ANK2: variants seen among roughly 807,000 people sequenced by gnomAD.
ANK2 encodes ankyrin-2.
In ANK2, 83 loss-of-function variants were observed where a neutral mutation model predicts 360.5. The ratio of observed to expected loss-of-function variants is 0.23; its 90% CI spans 0.19 to 0.28. The LOEUF (loss-of-function observed/expected upper bound fraction) is 0.28. Ranked by LOEUF, ANK2 falls within the 10% of genes least tolerant of loss-of-function variation. The pLI, the probability that ANK2 is intolerant of heterozygous loss-of-function variation, is 1.00. For synonymous variants in ANK2, 1,740 were observed against 1,759.5 expected, an observed-to-expected ratio of 0.99 and a Z score of 0.28; for missense variants, 4,201 against 4,795.7, an observed-to-expected ratio of 0.88 and a Z score of 3.66.
upstream of ANK2, among the ~76,000 whole-genome samples, chr4:113,045,395 C>T (rs370964760): frequency 2.2e-4 from 34 of 152,298 alleles, no homozygotes; most frequent in African/African-American, 7.0e-4. Flanking sequence ...GGCTGCTTTT[C>T]ATTGAAGCCA....
intron 26 of ANK2, among the ~76,000 whole-genome samples, chr4:113,324,141 T>C (rs2088266280): frequency 6.6e-6 from 1 of 152,216 alleles, no homozygotes; most frequent in Non-Finnish European, 1.5e-5. Context: ...TGCAAATTGG[T>C]CAAGCTATTT....
chr4:113,351,030 G>A (rs1386541164), intron 37 of ANK2, among the ~76,000 whole-genome samples: 1 of 152,044 alleles, frequency 6.6e-6, no homozygotes. Context: ...CTCATTTCAG[G>A]TTTGTAATAT....
intron 13 of ANK2, among the ~76,000 whole-genome samples, chr4:113,258,613 G>A (rs1051076656): frequency 6.6e-6 from 1 of 152,158 alleles, no homozygotes; most frequent in Non-Finnish European, 1.5e-5. Flanking sequence ...GTGTTATAAA[G>A]TAAAATGGAA....
chr4:113,338,543 CTTTT>C (rs71582166), intron 31 of ANK2, among the ~76,000 whole-genome samples: 1 of 96,118 alleles, frequency 1.0e-5, no homozygotes, highest in Admixed American at 1.2e-4. Context: ...AGATTGTTCA[CTTTT>C]TTTTTTTTTT....
chr4:112,944,723 G>A (rs1442022580), intron 2 of ANK2, among the ~76,000 whole-genome samples: 3 of 152,162 alleles, frequency 2.0e-5, no homozygotes, highest in African/African-American at 7.2e-5. Context: ...TAGCTTGTTT[G>A]CAATGAAGAG....
At chr4:112,942,787 C>CTTATAT (rs1421849363) in intron 2 of ANK2, among the ~76,000 whole-genome samples, 39 of 151,558 alleles carry the variant, frequency 2.6e-4, no homozygotes. Flanking sequence ...CGACTTTAGT[C>CTTATAT]TTATATTTAT....
intron 1 of ANK2, among the ~76,000 whole-genome samples, chr4:112,833,749 C>A (rs1052181496): frequency 3.9e-5 from 6 of 152,162 alleles, no homozygotes; most frequent in Non-Finnish European, 7.3e-5. Context: ...GTGATCCGCC[C>A]GCCTCGGCCT....
At chr4:113,250,733 T>TTCCATTC (rs2045714999) in intron 10 of ANK2, among the ~76,000 whole-genome samples, 1 of 135,078 alleles carries the variant, frequency 7.4e-6, no homozygotes, top group Non-Finnish European at 1.6e-5. Flanking sequence ...TTTCTCCCTA[T>TTCCATTC]TCCATTCCAC....
intron 9 of ANK2, among the ~76,000 whole-genome samples, chr4:113,242,637 A>G (rs2040603882): frequency 6.6e-6 from 1 of 152,166 alleles, no homozygotes; most frequent in African/African-American, 2.4e-5. Flanking sequence ...TTCCTAATTC[A>G]TTTTTCTTAA....
chr4:113,238,430 T>C (rs2099400644), intron 7 of ANK2, among the ~76,000 whole-genome samples: 1 of 152,214 alleles, frequency 6.6e-6, no homozygotes. Flanking sequence ...TGTGGACTTT[T>C]GAGCATTCTC....
chr4:112,840,074 G>A (rs2061782482), intron 1 of ANK2, among the ~76,000 whole-genome samples: 1 of 152,314 alleles, frequency 6.6e-6, no homozygotes, highest in East Asian at 1.9e-4. Flanking sequence ...GAGGTACAAA[G>A]ATGTATAGGA....
At chr4:113,315,972 A>C (rs1279491693) in intron 24 of ANK2, among the ~76,000 whole-genome samples, 1 of 151,556 alleles carries the variant, frequency 6.6e-6, no homozygotes, top group Non-Finnish European at 1.5e-5. Flanking sequence ...AGTGGATCTT[A>C]GCTATCTTTG....
chr4:112,962,651 A>C (rs1456577334), intron 2 of ANK2, among the ~76,000 whole-genome samples: 1 of 152,160 alleles, frequency 6.6e-6, no homozygotes, highest in Non-Finnish European at 1.5e-5. Flanking sequence ...ACTAATCCAT[A>C]TTCCCACTAA....
chr4:113,264,009 G>C (rs891861227), intron 13 of ANK2, among the ~76,000 whole-genome samples: 3 of 152,136 alleles, frequency 2.0e-5, no homozygotes, highest in African/African-American at 7.2e-5. Flanking sequence ...TTTTGGGGTA[G>C]AACAAAGATA....
Position 113,257,570 on chromosome 4 carries a change from G to A in ANK2, c.1189-480G>A, listed in dbSNP as rs29423. On this transcript the variant is annotated intron_variant, in intron 11 of 45. Coordinates refer to ENST00000357077, the MANE Select transcript of ANK2 (RefSeq NM_001148.6). Reference sequence around the variant, plus strand: ...AAATATGCCCTTTATAAAGAAAGTCGTAGCAAAGTTGAAATATTTCTTACA... The same window carrying A: ...AAATATGCCCTTTATAAAGAAAGTCATAGCAAAGTTGAAATATTTCTTACA... Among the ~76,000 whole-genome samples the A allele has an allele frequency of 4.6e-3, 699 of 152,190 alleles. 6 individuals are homozygous for A. The highest frequency in any genetic ancestry group is 0.016 in the African/African-American group (652 of 41,516).
intron 1 of ANK2, among the ~76,000 whole-genome samples, chr4:112,862,481 T>C (rs1351977651): frequency 2.6e-5 from 4 of 152,308 alleles, no homozygotes; most frequent in African/African-American, 2.4e-5. Context: ...ATTTTTGGAA[T>C]GTTAACAAGG....
At chr4:113,118,643 C>T (rs1229391801) in intron 1 of ANK2, among the ~76,000 whole-genome samples, 4 of 152,086 alleles carry the variant, frequency 2.6e-5, no homozygotes, top group African/African-American at 7.2e-5. Flanking sequence ...TTTCATACTG[C>T]TTGTCTGACC....
chr4:112,885,932 T>C (rs2078243564), intron 1 of ANK2, among the ~76,000 whole-genome samples: 1 of 151,886 alleles, frequency 6.6e-6, no homozygotes, highest in Non-Finnish European at 1.5e-5. Flanking sequence ...GATATATACA[T>C]GAGGTAAGCC....
At chr4:113,117,086 T>G (rs2094875928) in intron 1 of ANK2, 1 of 356,000 alleles carries the variant, frequency 2.8e-6, no homozygotes, top group African/African-American at 2.1e-5. Flanking sequence ...CTTAGTTCAT[T>G]GTAGTGAGTT....
Sources: allele counts gnomAD v4.1 joint callset (sites outside exome capture counted in the v4.1 genomes callset), GRCh38; gene constraint gnomAD v4.1.1; transcripts MANE v1.5; gene names NCBI Gene and HGNC (gene_info 2026-07-23, HGNC 2026-07-21).